KAZN: variants seen among roughly 807,000 people sequenced by gnomAD.
The protein encoded by KAZN is kazrin, periplakin interacting protein, also known as kazrin.
A neutral mutation model predicts 87.4 loss-of-function variants in KAZN; 40 were observed. That is an observed-to-expected ratio of 0.46 (90% CI 0.36 to 0.60). The LOEUF is 0.60. Among genes scored for constraint, KAZN ranks in the 20% least tolerant of loss-of-function variants. The probability of loss-of-function intolerance (pLI) is 0.00; values close to 1 mark genes in which losing one functional copy is unlikely to be tolerated. For synonymous variants in KAZN, 466 were observed against 458.3 expected, an observed-to-expected ratio of 1.02 and a Z score of -0.22; for missense variants, 898 against 1,073.9, an observed-to-expected ratio of 0.84 and a Z score of 2.29.
chr1:14,527,805 G>A (rs1469303694), intron 2 of KAZN, among the ~76,000 whole-genome samples: 2 of 152,032 alleles, frequency 1.3e-5, no homozygotes, highest in African/African-American at 4.8e-5. Flanking sequence ...TCATTACCAC[G>A]AGGATGACAC....
chr1:14,499,378 T>C (rs554885065), intron 2 of KAZN, among the ~76,000 whole-genome samples: 66 of 152,270 alleles, frequency 4.3e-4, no homozygotes, highest in African/African-American at 1.4e-3. Flanking sequence ...AAGTCTTAGA[T>C]AGGGAGAAGG....
chr1:14,177,051 G>A (rs918930458), intron 1 of KAZN, among the ~76,000 whole-genome samples: 3 of 151,972 alleles, frequency 2.0e-5, no homozygotes, highest in African/African-American at 7.2e-5. Context: ...CCAGCTACTC[G>A]GGAGGCTAAG....
intron 2 of KAZN, among the ~76,000 whole-genome samples, chr1:14,343,952 T>C (rs1170078388): frequency 6.6e-6 from 1 of 152,200 alleles, no homozygotes; most frequent in Non-Finnish European, 1.5e-5. Context: ...TGCATTGTAC[T>C]AAAACTAGTT....
chr1:14,771,286 G>T lies in KAZN; in HGVS notation c.226+172063G>T, dbSNP rs566193986. ...AAGGATATAAAATTGTTCTGGTTTT[G>T]AAAACAAAGATGCCAAGACAGTAGG... is the stretch of plus-strand genomic sequence containing the variant. On this transcript the variant is annotated intron_variant, in intron 1 of 14. Transcript: ENST00000376030. 3.9e-5 allele frequency among the ~76,000 whole-genome samples: 6 copies of T among 152,216 alleles called. No individual in the cohort carries two copies. The South Asian group carries it at 1.2e-3, about 32-fold the overall frequency.
At chr1:14,924,346 G>C in intron 1 of KAZN, 1 of 988,150 alleles carries the variant, frequency 1.0e-6, no homozygotes, top group South Asian at 4.5e-5. Context: ...CGCTGGTAGC[G>C]TCCCCCCGGG....
At chr1:14,043,120 A>G (rs1008086687) in intron 1 of KAZN, among the ~76,000 whole-genome samples, 3 of 152,206 alleles carry the variant, frequency 2.0e-5, no homozygotes, top group Non-Finnish European at 4.4e-5. Flanking sequence ...TTCTGTCTCA[A>G]TAAATTTGAC....
chr1:14,391,740 G>T (rs554851744), intron 2 of KAZN, among the ~76,000 whole-genome samples: 1 of 152,198 alleles, frequency 6.6e-6, no homozygotes, highest in South Asian at 2.1e-4. Context: ...GGGCCTTGAC[G>T]TCTCAGTAAG....
chr1:13,981,420 T>C (rs1638701982), intron 1 of KAZN, among the ~76,000 whole-genome samples: 1 of 150,986 alleles, frequency 6.6e-6, no homozygotes. Flanking sequence ...AGTTCCATGA[T>C]GTCATTTTAG....
intron 1 of KAZN, among the ~76,000 whole-genome samples, chr1:14,921,690 T>G (rs1016306758): frequency 1.3e-5 from 2 of 152,122 alleles, no homozygotes; most frequent in African/African-American, 2.4e-5. Flanking sequence ...GTTTTGTTTA[T>G]AGGGGTTTTT....
intron 1 of KAZN, among the ~76,000 whole-genome samples, chr1:14,605,610 A>C (rs1677298473): frequency 6.6e-6 from 1 of 152,198 alleles, no homozygotes; most frequent in South Asian, 2.1e-4. Context: ...AGGAAGAGAA[A>C]ATATATTTGC....
At chr1:15,054,455 G>C (rs1409297058) in intron 4 of KAZN, among the ~76,000 whole-genome samples, 1 of 152,062 alleles carries the variant, frequency 6.6e-6, no homozygotes, top group Non-Finnish European at 1.5e-5. Flanking sequence ...TTTGAGACCA[G>C]CCTGGCCAAC....
intron 1 of KAZN, among the ~76,000 whole-genome samples, chr1:14,917,781 T>C (rs1657968599): frequency 6.6e-6 from 1 of 152,220 alleles, no homozygotes; most frequent in Non-Finnish European, 1.5e-5. Flanking sequence ...TGATCCTGCC[T>C]CCTGGTATCC....
chr1:14,176,690 T>G (rs992152385), intron 1 of KAZN, among the ~76,000 whole-genome samples: 27 of 152,212 alleles, frequency 1.8e-4, no homozygotes, highest in African/African-American at 6.3e-4. Flanking sequence ...CCCTACCCTA[T>G]GGCCTATAGT....
At chr1:14,614,814 A>T (rs1001810782) in intron 1 of KAZN, among the ~76,000 whole-genome samples, 10 of 152,248 alleles carry the variant, frequency 6.6e-5, no homozygotes. Context: ...ACAAACTAAG[A>T]TGCTGATGCA....
chr1:14,944,407 C>A (rs1355900305), intron 1 of KAZN, among the ~76,000 whole-genome samples: 2 of 152,066 alleles, frequency 1.3e-5, no homozygotes, highest in African/African-American at 4.8e-5. Flanking sequence ...TGGGGGCCCC[C>A]GTTGGTGTCC....
chr1:14,711,538 G>A (rs1425662796), intron 1 of KAZN, among the ~76,000 whole-genome samples: 1 of 152,144 alleles, frequency 6.6e-6, no homozygotes, highest in Non-Finnish European at 1.5e-5. Context: ...TGGGTGGGGT[G>A]GGACCTGTGA....
intron 1 of KAZN, among the ~76,000 whole-genome samples, chr1:14,740,069 C>A (rs914882733): frequency 1.2e-4 from 19 of 152,176 alleles, no homozygotes; most frequent in Admixed American, 2.0e-4. Context: ...AAGGGACCAT[C>A]TGCCTTGCAA....
intron 1 of KAZN, among the ~76,000 whole-genome samples, chr1:14,173,313 AT>A (rs1168238100): frequency 6.6e-6 from 1 of 152,176 alleles, no homozygotes; most frequent in Non-Finnish European, 1.5e-5. Context: ...AAAGAAGGGC[AT>A]TTACTGACCT....
Position 15,103,354 on chromosome 1 carries a change from A to C in KAZN, c.1780-5A>C, listed in dbSNP as rs910840440. 6.5e-7 allele frequency: 1 copy of C among 1,550,336 alleles called. No individual in the cohort carries two copies. The highest frequency in any genetic ancestry group is 2.0e-5 in the Admixed American group (1 of 50,984). ...CCTCCGAATGACCCACTGTCTCCCC[A>C]CAAGGCCCTCCAGGAGCGCCGGGCC... On this transcript the variant is annotated splice_region_variant and splice_polypyrimidine_tract_variant and intron_variant, in intron 11 of 14. Coordinates refer to ENST00000376030, the MANE Select transcript of KAZN (RefSeq NM_201628.3).
Sources: allele counts gnomAD v4.1 joint callset (sites outside exome capture counted in the v4.1 genomes callset), GRCh38; gene constraint gnomAD v4.1.1; transcripts MANE v1.5; gene names NCBI Gene and HGNC (gene_info 2026-07-23, HGNC 2026-07-21).